Variants in NR3C1 observed in about 807,000 individuals in gnomAD.
NR3C1 encodes glucocorticoid receptor.
In NR3C1, 14 loss-of-function variants were observed where a neutral mutation model predicts 74.0. The ratio of observed to expected loss-of-function variants is 0.19; its 90% CI spans 0.12 to 0.30. NR3C1 has a LOEUF of 0.30. Among genes scored for constraint, NR3C1 ranks in the 10% least tolerant of loss-of-function variants. The probability of loss-of-function intolerance (pLI) is 1.00; values close to 1 mark genes in which losing one functional copy is unlikely to be tolerated. For synonymous variants in NR3C1, 308 were observed against 332.5 expected (o/e 0.93, Z 0.80); for missense variants, 695 against 909.8 (o/e 0.76, Z 3.04).
At chr5:143,337,180 G>A (rs1827316245) in intron 2 of NR3C1, among the ~76,000 whole-genome samples, 1 of 152,016 alleles carries the variant, frequency 6.6e-6, no homozygotes, top group South Asian at 2.1e-4. Context: ...TAAAAGGACA[G>A]AAAACTAGAA....
chr5:143,321,913 T>C (rs1007897291), intron 2 of NR3C1, among the ~76,000 whole-genome samples: 2 of 152,202 alleles, frequency 1.3e-5, no homozygotes, highest in Admixed American at 6.5e-5. Flanking sequence ...TAATCTCTTT[T>C]AGGTAGGGCC....
intron 2 of NR3C1, among the ~76,000 whole-genome samples, chr5:143,347,657 A>G (rs1049385868): frequency 6.6e-6 from 1 of 152,252 alleles, no homozygotes; most frequent in Non-Finnish European, 1.5e-5. Flanking sequence ...CTTCCCCAGT[A>G]AAGACTATAA....
upstream of NR3C1, chr5:143,404,736 AG>A (rs1840975473): frequency 6.1e-6 from 1 of 162,892 alleles, no homozygotes; most frequent in Non-Finnish European, 1.3e-5. Context: ...AGCAAGTTGC[AG>A]GCGAAATAGT....
chr5:143,394,804 T>C (rs1838897843), intron 2 of NR3C1, among the ~76,000 whole-genome samples: 1 of 151,974 alleles, frequency 6.6e-6, no homozygotes, highest in South Asian at 2.1e-4. Context: ...CCTAAATTTT[T>C]CTTTTCTTAA....
intron 2 of NR3C1, among the ~76,000 whole-genome samples, chr5:143,373,784 G>A (rs1265755710): frequency 2.0e-5 from 3 of 152,024 alleles, no homozygotes; most frequent in Admixed American, 2.0e-4. Flanking sequence ...GGGAAGGGAG[G>A]GGGATGTGAC....
At chr5:143,361,387 C>T (rs912341614) in intron 2 of NR3C1, among the ~76,000 whole-genome samples, 6 of 152,136 alleles carry the variant, frequency 3.9e-5, no homozygotes, top group African/African-American at 1.4e-4. Flanking sequence ...TTTCTACTTT[C>T]CATTGATTTC....
intron 2 of NR3C1, among the ~76,000 whole-genome samples, chr5:143,398,974 C>A (rs1199558176): frequency 7.2e-5 from 11 of 152,152 alleles, no homozygotes; most frequent in Admixed American, 7.2e-4. Context: ...TTTTGTTTTG[C>A]ACCATGTTGA....
At chr5:143,432,732 G>T (rs551601911) in intron 1 of NR3C1, among the ~76,000 whole-genome samples, 1 of 152,258 alleles carries the variant, frequency 6.6e-6, no homozygotes, top group South Asian at 2.1e-4. Flanking sequence ...ATTTCAAGGA[G>T]CTGCCCTTGG....
chr5:143,401,227 A>G lies in NR3C1; in HGVS notation c.-13-375T>C, dbSNP rs1260633187. On this transcript the variant is annotated intron_variant, in intron 1 of 8. Coordinates refer to ENST00000394464, the MANE Select transcript of NR3C1 (RefSeq NM_000176.3). ...TTGATGTCAAAGTATTTAATTTCAA[A>G]AAAAGGAAGTGTGATCATTAAAATT... The G allele has an allele frequency of 1.6e-5, 4 of 245,934 alleles. No homozygotes were observed. In the East Asian group the frequency reaches 3.9e-4, roughly 24 times the overall value. 15.2% of individuals were successfully genotyped at this position (245,934 alleles called of 1,614,324 possible).
intron 2 of NR3C1, among the ~76,000 whole-genome samples, chr5:143,331,409 C>T (rs941556886): frequency 6.6e-5 from 10 of 152,086 alleles, no homozygotes; most frequent in African/African-American, 1.9e-4. Context: ...AACTACCATT[C>T]GACCCAGCAA....
At chr5:143,284,676 A>ACC (rs1813926133) in intron 7 of NR3C1, among the ~76,000 whole-genome samples, 2 of 151,908 alleles carry the variant, frequency 1.3e-5, no homozygotes, top group Admixed American at 6.6e-5. Context: ...AATCACTAAC[A>ACC]TTACTTCCTC....
chr5:143,359,484 A>C (rs1248663835), intron 2 of NR3C1, among the ~76,000 whole-genome samples: 3 of 152,188 alleles, frequency 2.0e-5, no homozygotes, highest in African/African-American at 7.2e-5. Context: ...CAAAGTACTC[A>C]GTCCTTCTGC....
chr5:143,390,200 T>G (rs757619524), intron 2 of NR3C1, among the ~76,000 whole-genome samples: 1 of 152,210 alleles, frequency 6.6e-6, no homozygotes, highest in East Asian at 1.9e-4. Flanking sequence ...AAAATTCATT[T>G]AGTTTTTAAA....
chr5:143,329,032 C>A (rs1381263155), intron 2 of NR3C1, among the ~76,000 whole-genome samples: 1 of 152,130 alleles, frequency 6.6e-6, no homozygotes, highest in Non-Finnish European at 1.5e-5. Context: ...AGTACCCAAC[C>A]CTGCCAGTAC....
At chr5:143,418,256 A>G (rs1049537826) in intron 1 of NR3C1, among the ~76,000 whole-genome samples, 9 of 152,204 alleles carry the variant, frequency 5.9e-5, no homozygotes, top group African/African-American at 2.2e-4. Flanking sequence ...CAGTGCCATC[A>G]AAAACCCTTT....
intron 1 of NR3C1, among the ~76,000 whole-genome samples, chr5:143,417,102 G>A (rs921189461): frequency 2.0e-5 from 3 of 151,896 alleles, no homozygotes; most frequent in African/African-American, 2.4e-5. Flanking sequence ...CCAGCCTTTT[G>A]TTTTATTGTT....
At chr5:143,287,656 G>A (rs1277002026) in intron 7 of NR3C1, among the ~76,000 whole-genome samples, 2 of 152,046 alleles carry the variant, frequency 1.3e-5, no homozygotes, top group Admixed American at 6.6e-5. Flanking sequence ...ATTTTAAGAG[G>A]CTAGTACTAC....
At chr5:143,357,023 G>A (rs1301073759) in intron 2 of NR3C1, among the ~76,000 whole-genome samples, 3 of 152,160 alleles carry the variant, frequency 2.0e-5, no homozygotes, top group East Asian at 3.8e-4. Flanking sequence ...CTTGGAAATT[G>A]TATAGTTTAT....
chr5:143,387,951 A>T (rs1837551769), intron 2 of NR3C1, among the ~76,000 whole-genome samples: 2 of 152,206 alleles, frequency 1.3e-5, no homozygotes, highest in South Asian at 4.1e-4. Context: ...AAACATATAC[A>T]TTAGACTCAT....
Sources: allele counts gnomAD v4.1 joint callset (sites outside exome capture counted in the v4.1 genomes callset), GRCh38; gene constraint gnomAD v4.1.1; transcripts MANE v1.5; gene names NCBI Gene and HGNC (gene_info 2026-07-23, HGNC 2026-07-21).